Variants in IL6R observed in about 807,000 individuals in gnomAD.
The protein encoded by IL6R is interleukin-6 receptor subunit alpha.
Under a neutral mutation model 48.3 loss-of-function variants are expected in IL6R, and 38 were observed. The observed-to-expected ratio is 0.79, with a 90% CI of 0.61 to 1.03. The LOEUF (loss-of-function observed/expected upper bound fraction) is 1.03. IL6R is among the 50% of genes least tolerant of loss of function. IL6R has a pLI of 0.00. For missense variants in IL6R, 534 were observed against 618.3 expected (o/e 0.86, Z 1.45); for synonymous variants, 264 against 256.2 (o/e 1.03, Z -0.29).
At chr1:154,437,123 G>C (rs560715550) in intron 6 of IL6R, among the ~76,000 whole-genome samples, 1 of 152,168 alleles carries the variant, frequency 6.6e-6, no homozygotes, top group Non-Finnish European at 1.5e-5. Flanking sequence ...TTGAGACGGA[G>C]TCTCACTCTG....
intron 6 of IL6R, among the ~76,000 whole-genome samples, chr1:154,447,444 A>ATATATATAT (rs1690292966): frequency 1.5e-5 from 1 of 66,846 alleles, no homozygotes; most frequent in Non-Finnish European, 2.7e-5. Flanking sequence ...ATCTCAAAAA[A>ATATATATAT]AAAAAAAAAA....
intron 1 of IL6R, among the ~76,000 whole-genome samples, chr1:154,417,156 T>C (rs1255100435): frequency 2.6e-5 from 4 of 152,202 alleles, no homozygotes; most frequent in Admixed American, 1.3e-4. Flanking sequence ...CTCTTTGTTA[T>C]ACTCTGAGAC....
chr1:154,410,284 T>C (rs572461790), intron 1 of IL6R, among the ~76,000 whole-genome samples: 1 of 151,160 alleles, frequency 6.6e-6, no homozygotes, highest in Admixed American at 6.6e-5. Flanking sequence ...AGGATCTTAC[T>C]CCCGTAGCCC....
chr1:154,408,840 G>A (rs1295306624), intron 1 of IL6R, among the ~76,000 whole-genome samples: 2 of 152,034 alleles, frequency 1.3e-5, no homozygotes, highest in East Asian at 1.9e-4. Flanking sequence ...CACTAGCCAC[G>A]TGTACCTATT....
chr1:154,432,774 G>A (rs908218009), intron 3 of IL6R, among the ~76,000 whole-genome samples: 3 of 152,202 alleles, frequency 2.0e-5, no homozygotes, highest in African/African-American at 7.2e-5. Flanking sequence ...TGACCACTGG[G>A]CGCCTTTGAA....
intron 1 of IL6R, among the ~76,000 whole-genome samples, chr1:154,427,632 T>C (rs1689052942): frequency 6.6e-6 from 1 of 152,202 alleles, no homozygotes. Context: ...AGGGTATCTG[T>C]ATAGCTAGAC....
chr1:154,421,200 G>GT (rs1428256893), intron 1 of IL6R, among the ~76,000 whole-genome samples: 2 of 152,184 alleles, frequency 1.3e-5, no homozygotes, highest in Admixed American at 6.5e-5. Context: ...GGGACAGTCG[G>GT]TTTTTTCTCA....
intron 8 of IL6R, among the ~76,000 whole-genome samples, chr1:154,452,213 A>G (rs1193891081): frequency 6.6e-6 from 1 of 152,122 alleles, no homozygotes; most frequent in Non-Finnish European, 1.5e-5. Flanking sequence ...CACAAATCCA[A>G]GCTCTCTCTG....
Position 154,468,522 on chromosome 1 carries a change from GA to G in IL6R, c.*3143del, listed in dbSNP as rs1691653164. On this transcript the variant is annotated 3_prime_UTR_variant, in exon 10 of 10. Coordinates refer to ENST00000368485, the MANE Select transcript of IL6R (RefSeq NM_000565.4). ...CAGGGGTAGCACTGGCTATGTTGACGAGGCCTTTGGTAACTCAGAGAGCTCT... is the reference window on the plus strand; with the variant it reads ...CAGGGGTAGCACTGGCTATGTTGACGGGCCTTTGGTAACTCAGAGAGCTCT... 1.3e-5 allele frequency: 2 copies of G among 152,348 alleles called. No individual in the cohort carries two copies. Among genetic ancestry groups the G allele is most frequent in the East Asian group, 1.9e-4 (1 of 5,192 alleles). The allele number at this position is 152,348 out of a possible 1,614,324, so 9.4% of individuals were successfully genotyped here.
At chr1:154,414,309 G>T in intron 1 of IL6R, 2 of 822,240 alleles carry the variant, frequency 2.4e-6, no homozygotes, top group Non-Finnish European at 3.8e-6. Context: ...AGGAAACCTT[G>T]CACTGTAACT....
chr1:154,460,527 A>G lies in IL6R; in HGVS notation c.1161-4607A>G, dbSNP rs1291902574. Among the ~76,000 whole-genome samples, 3 of 152,220 alleles carry G rather than the reference A, an allele frequency of 2.0e-5. No homozygotes were observed. In the East Asian group the frequency reaches 5.8e-4, roughly 29 times the overall value. On this transcript the variant is annotated intron_variant, in intron 9 of 9. Coordinates refer to ENST00000368485, the MANE Select transcript of IL6R (RefSeq NM_000565.4). ...ATACATATGTATGTGATATGTGATT[A>G]TTACTGGTGATTTGCTAAATAATGA...
chr1:154,445,979 G>C (rs1690206289), intron 6 of IL6R, among the ~76,000 whole-genome samples: 1 of 151,938 alleles, frequency 6.6e-6, no homozygotes, highest in East Asian at 1.9e-4. Flanking sequence ...TACCCAGGCT[G>C]GTTTCAAACT....
chr1:154,407,826 C>A (rs1315915682), intron 1 of IL6R, among the ~76,000 whole-genome samples: 1 of 152,178 alleles, frequency 6.6e-6, no homozygotes, highest in Non-Finnish European at 1.5e-5. Flanking sequence ...GGGACTTAGG[C>A]TTCTGCCGGT....
intron 1 of IL6R, chr1:154,415,256 T>G: frequency 1.7e-6 from 1 of 587,136 alleles, no homozygotes; most frequent in Non-Finnish European, 3.1e-6. Context: ...TTTTCTGGTA[T>G]TGTTAAAAGT....
intron 8 of IL6R, among the ~76,000 whole-genome samples, chr1:154,453,894 G>A (rs1346243259): frequency 1.3e-5 from 2 of 152,192 alleles, no homozygotes; most frequent in Admixed American, 1.3e-4. Context: ...AAGAGGGAAC[G>A]TGTGTGGAGA....
At chr1:154,414,652 C>T in intron 1 of IL6R, 1 of 844,280 alleles carries the variant, frequency 1.2e-6, no homozygotes, top group South Asian at 1.4e-5. Flanking sequence ...GACGGTGTAG[C>T]TCTTGGCGAG....
intron 9 of IL6R, among the ~76,000 whole-genome samples, chr1:154,456,206 CTTT>C (rs34592707): frequency 1.5e-5 from 2 of 135,002 alleles, no homozygotes; most frequent in Non-Finnish European, 1.6e-5. Flanking sequence ...TGAATAGATT[CTTT>C]TTTTTTTTTT....
chr1:154,428,210 T>C (rs978378437), intron 1 of IL6R, among the ~76,000 whole-genome samples: 1 of 152,202 alleles, frequency 6.6e-6, no homozygotes, highest in Admixed American at 6.5e-5. Context: ...TCTTTAATCT[T>C]ATTTTTCTTG....
intron 1 of IL6R, among the ~76,000 whole-genome samples, chr1:154,419,449 C>T (rs1688527075): frequency 6.6e-6 from 1 of 152,196 alleles, no homozygotes; most frequent in Non-Finnish European, 1.5e-5. Context: ...GGCTTCTCAG[C>T]ACCCACCTAC....
Sources: gnomAD v4.1 joint callset for allele counts (sites outside exome capture counted in the v4.1 genomes callset) on GRCh38, gnomAD v4.1.1 for gene constraint, MANE v1.5 for transcripts, NCBI Gene and HGNC (gene_info 2026-07-23, HGNC 2026-07-21) for gene names.